Variants in PARD3 observed in about 807,000 individuals in gnomAD.
PARD3 encodes the protein partitioning defective 3 homolog.
A neutral mutation model predicts 155.4 loss-of-function variants in PARD3; 75 were observed. That is an observed-to-expected ratio of 0.48 (90% CI 0.40 to 0.58). The LOEUF (loss-of-function observed/expected upper bound fraction) is 0.58. PARD3 is among the 20% of genes least tolerant of loss of function. The probability of loss-of-function intolerance (pLI) is 0.00; values close to 1 mark genes in which losing one functional copy is unlikely to be tolerated. For synonymous variants in PARD3, 576 were observed against 610.5 expected, an observed-to-expected ratio of 0.94 and a Z score of 0.83; for missense variants, 1,642 against 1,721.7, an observed-to-expected ratio of 0.95 and a Z score of 0.82.
chr10:34,116,384 ACT>A (rs1235604532), intron 24 of PARD3, among the ~76,000 whole-genome samples: 1 of 152,156 alleles, frequency 6.6e-6, no homozygotes, highest in Non-Finnish European at 1.5e-5. Flanking sequence ...TTTAGACAAA[ACT>A]CTGTTAATTG....
At position 34,160,903 on chromosome 10, in the gene PARD3, A is replaced by G. The variant is rs139502930; in HGVS notation, c.3420-29320T>C. On this transcript the variant is annotated intron_variant, in intron 22 of 24. Transcript: ENST00000374788. ...GGAGCATGCAGAGGAAGATTTAATT[A>G]TCCCATATGAGGTTAAGTTTTAGGC... is the stretch of plus-strand genomic sequence containing the variant. 8.4e-3 allele frequency among the ~76,000 whole-genome samples: 1,281 copies of G among 152,296 alleles called. 9 individuals are homozygous for G. Among genetic ancestry groups the G allele is most frequent in the Non-Finnish European group, 0.011 (743 of 68,032 alleles).
intron 22 of PARD3, among the ~76,000 whole-genome samples, chr10:34,153,769 C>T (rs1329938981): frequency 3.3e-5 from 5 of 152,122 alleles, no homozygotes; most frequent in African/African-American, 1.2e-4. Context: ...CTTTTTTCCC[C>T]CTTACCCTTC....
rs547955907 is a variant in PARD3, at chr10:34,382,666, C to G, written c.1273G>C (p.Ala425Pro). Reference sequence around the variant, plus strand: ...GATGGTGGTTTTCCCGAGGGGTGTGCGCTATGAGGTAGTCTTGAGTGAGAG... The same window carrying G: ...GATGGTGGTTTTCCCGAGGGGTGTGGGCTATGAGGTAGTCTTGAGTGAGAG... ...IDSHSRLPHS[A>P]HPSGKPPSAP... Residue 425 changes from alanine to proline, a missense_variant, in exon 9 of 25, where the codon GCA (alanine) becomes CCA (proline). By Grantham distance (27) the Ala-to-Pro change is conservative. Coordinates refer to ENST00000374788, the MANE Select transcript of PARD3 (RefSeq NM_001184785.2). 6.2e-7 allele frequency: 1 copy of G among 1,614,062 alleles called. No individual in the cohort carries two copies. The highest frequency in any genetic ancestry group is 1.1e-5 in the South Asian group (1 of 91,068).
chr10:34,441,287 T>C (rs2076449496), intron 5 of PARD3, among the ~76,000 whole-genome samples: 1 of 152,202 alleles, frequency 6.6e-6, no homozygotes, highest in Non-Finnish European at 1.5e-5. Context: ...AAACATCTTA[T>C]GAGTGTCTTT....
chr10:34,475,802 T>C (rs966585392), intron 3 of PARD3, among the ~76,000 whole-genome samples: 3 of 152,178 alleles, frequency 2.0e-5, no homozygotes, highest in Non-Finnish European at 4.4e-5. Flanking sequence ...TTGAATTTTA[T>C]CTTTAGCAAC....
chr10:34,596,998 T>C (rs921448034), intron 2 of PARD3, among the ~76,000 whole-genome samples: 2 of 152,116 alleles, frequency 1.3e-5, no homozygotes, highest in Non-Finnish European at 2.9e-5. Context: ...TTCCAAGAAT[T>C]TGCCTCACCA....
intron 2 of PARD3, among the ~76,000 whole-genome samples, chr10:34,611,890 A>G (rs2090925097): frequency 6.9e-6 from 1 of 145,426 alleles, no homozygotes; most frequent in African/African-American, 2.6e-5. Flanking sequence ...GTTCACTGCA[A>G]GCTCCGCCTC....
chr10:34,512,853 T>C (rs1049683747), intron 3 of PARD3, among the ~76,000 whole-genome samples: 8 of 152,170 alleles, frequency 5.3e-5, no homozygotes, highest in Admixed American at 2.0e-4. Flanking sequence ...TAGAATATTA[T>C]AATTTCCCAT....
rs568672135 is a variant in PARD3, at chr10:34,662,871, G to GAAAAAAAAAAA, written c.222+33436_222+33446dup. On this transcript the variant is annotated intron_variant, in intron 2 of 24. Coordinates refer to ENST00000374788, the MANE Select transcript of PARD3 (RefSeq NM_001184785.2). ...TGGGTGACAGTGAGAAACTGTCTCAGAAAAAAAAAAAAAAAGAATCAAACT... is the reference window on the plus strand; with the variant it reads ...TGGGTGACAGTGAGAAACTGTCTCAGAAAAAAAAAAAAAAAAAAAAAAAAAAGAATCAAACT... Among the ~76,000 whole-genome samples, 116 of 123,620 alleles carry GAAAAAAAAAAA rather than the reference G, an allele frequency of 9.4e-4. 2 individuals are homozygous for GAAAAAAAAAAA. Among genetic ancestry groups the GAAAAAAAAAAA allele is most frequent in the African/African-American group, 3.3e-3 (108 of 33,006 alleles). 81.1% of individuals were successfully genotyped at this position (123,620 alleles called of 152,430 possible). A position where few individuals can be genotyped will look rare whatever the true frequency, so the allele number is the denominator to read the frequency against.
intron 2 of PARD3, among the ~76,000 whole-genome samples, chr10:34,581,745 T>C (rs192023025): frequency 4.6e-4 from 70 of 152,274 alleles, no homozygotes; most frequent in Non-Finnish European, 7.3e-4. Context: ...TGTCATCTCT[T>C]GGTGTAGAGT....
chr10:34,661,330 CAG>C (rs2093320557), intron 2 of PARD3, among the ~76,000 whole-genome samples: 1 of 152,166 alleles, frequency 6.6e-6, no homozygotes, highest in Non-Finnish European at 1.5e-5. Context: ...TGAAACAATA[CAG>C]AGTTTCAAAA....
chr10:34,738,952 A>T (rs2094960830), intron 1 of PARD3, among the ~76,000 whole-genome samples: 1 of 152,242 alleles, frequency 6.6e-6, no homozygotes. Context: ...GGGGGTGTTC[A>T]GTAAATGGTA....
At chr10:34,510,045 A>T (rs2081311392) in intron 3 of PARD3, among the ~76,000 whole-genome samples, 1 of 152,224 alleles carries the variant, frequency 6.6e-6, no homozygotes, top group South Asian at 2.1e-4. Flanking sequence ...CTGACAAAGG[A>T]TCACTAATTG....
At chr10:34,664,225 C>G (rs1027672541) in intron 2 of PARD3, 2 of 152,200 alleles carry the variant, frequency 1.3e-5, no homozygotes, top group Non-Finnish European at 2.9e-5. Context: ...TCTTTTGAGA[C>G]AGAGTCTCGA....
chr10:34,225,104 A>G (rs1264180196), intron 22 of PARD3, among the ~76,000 whole-genome samples: 1 of 152,236 alleles, frequency 6.6e-6, no homozygotes, highest in Non-Finnish European at 1.5e-5. Context: ...ACTATGTTTC[A>G]GCCATTGAAA....
At chr10:34,477,063 C>T (rs941864598) in intron 3 of PARD3, among the ~76,000 whole-genome samples, 1 of 152,158 alleles carries the variant, frequency 6.6e-6, no homozygotes, top group African/African-American at 2.4e-5. Flanking sequence ...ATGAATAAAA[C>T]ATGATCTTCT....
chr10:34,756,288 G>T (rs963603869), intron 1 of PARD3, among the ~76,000 whole-genome samples: 1 of 149,374 alleles, frequency 6.7e-6, no homozygotes. Context: ...TGAGTAGCTG[G>T]GACTACAGGC....
At chr10:34,147,306 G>C (rs1450883727) in intron 22 of PARD3, among the ~76,000 whole-genome samples, 1 of 152,060 alleles carries the variant, frequency 6.6e-6, no homozygotes, top group Non-Finnish European at 1.5e-5. Context: ...TTGGTTTCTA[G>C]CTAATTGAGA....
intron 3 of PARD3, among the ~76,000 whole-genome samples, chr10:34,470,522 G>A (rs547919035): frequency 6.6e-6 from 1 of 152,256 alleles, no homozygotes; most frequent in South Asian, 2.1e-4. Context: ...TATCTATGTG[G>A]CCCTGGCCAG....
Sources: gnomAD v4.1 joint callset for allele counts (sites outside exome capture counted in the v4.1 genomes callset) on GRCh38, gnomAD v4.1.1 for gene constraint, MANE v1.5 for transcripts, NCBI Gene and HGNC (gene_info 2026-07-23, HGNC 2026-07-21) for gene names.